Variants in PTH2R observed in about 807,000 individuals in gnomAD.
PTH2R encodes PTH2 receptor.
In PTH2R, 59 loss-of-function variants were observed where a neutral mutation model predicts 60.3. That is an observed-to-expected ratio of 0.98 (90% CI 0.79 to 1.22). PTH2R has a LOEUF of 1.22. Among genes scored for constraint, PTH2R ranks in the 50% most tolerant of loss-of-function variants. PTH2R has a pLI of 0.00. For synonymous variants in PTH2R, 256 were observed against 243.8 expected (o/e 1.05, Z -0.47); for missense variants, 749 against 682.6 (o/e 1.10, Z -1.08).
At chr2:208,482,919 G>A (rs1170824761) in intron 10 of PTH2R, among the ~76,000 whole-genome samples, 9 of 152,204 alleles carry the variant, frequency 5.9e-5, no homozygotes, top group South Asian at 2.1e-4. Flanking sequence ...CTGACTGCAC[G>A]TCCATTCATA....
intron 12 of PTH2R, among the ~76,000 whole-genome samples, chr2:208,492,588 T>G (rs1210994258): frequency 6.6e-6 from 1 of 152,062 alleles, no homozygotes; most frequent in Non-Finnish European, 1.5e-5. Flanking sequence ...GCCTTATCCC[T>G]CTTGATTTTT....
chr2:208,445,254 A>C (rs972751907), intron 7 of PTH2R, among the ~76,000 whole-genome samples: 1 of 152,218 alleles, frequency 6.6e-6, no homozygotes, highest in Non-Finnish European at 1.5e-5. Flanking sequence ...TTTCTAAGCT[A>C]TAATGATATA....
intron 1 of PTH2R, among the ~76,000 whole-genome samples, chr2:208,422,535 A>G (rs956602177): frequency 3.3e-5 from 5 of 152,224 alleles, no homozygotes; most frequent in Non-Finnish European, 7.3e-5. Context: ...TATTTTTGTA[A>G]AGCTATAAAA....
At chr2:208,432,690 T>C (rs953123628) in intron 2 of PTH2R, among the ~76,000 whole-genome samples, 1 of 152,128 alleles carries the variant, frequency 6.6e-6, no homozygotes, top group African/African-American at 2.4e-5. Flanking sequence ...AAGCCTTCAG[T>C]CCATGGCCAA....
In PTH2R at chr2:208,443,595, C is replaced by T. The variant is rs908223055; in HGVS notation, c.699+58C>T. On this transcript the variant is annotated intron_variant, in intron 6 of 12. Transcript: ENST00000272847. Reference sequence around the variant, plus strand: ...ATTTGTATAACACTACAAATAAGTACAATTTTACAGTCCACTAAACATGTT... The same window carrying T: ...ATTTGTATAACACTACAAATAAGTATAATTTTACAGTCCACTAAACATGTT... The T allele has an allele frequency of 2.0e-5, 28 of 1,392,818 alleles. No homozygotes were observed. In the Admixed American group the frequency reaches 6.4e-4, roughly 32 times the overall value. 86.3% of individuals were successfully genotyped at this position (1,392,818 alleles called of 1,614,324 possible). A position where few individuals can be genotyped will look rare whatever the true frequency, so the allele number is the denominator to read the frequency against.
intron 10 of PTH2R, among the ~76,000 whole-genome samples, chr2:208,487,802 TC>T (rs1309799248): frequency 3.3e-5 from 5 of 152,202 alleles, no homozygotes; most frequent in Non-Finnish European, 7.3e-5. Context: ...CTGGCTGTTG[TC>T]CAGATGCCAC....
In PTH2R at chr2:208,493,578, T is replaced by C. The variant is rs1178636320; in HGVS notation, c.1572T>C (p.Ile524=). The C allele has an allele frequency of 6.2e-7, 1 of 1,612,560 alleles. No homozygotes were observed. The highest frequency in any genetic ancestry group is 1.7e-5 in the Admixed American group (1 of 59,898). ...ATAGTGGGAGGCAGGGAGATGATAT[T>C]CTAATGGAGAAGCCTTCCAGGCCTA... ...KEDSGRQGDD[I]LMEKPSRPME... is the part of the protein sequence containing the mutation. Residue 524 remains isoleucine (I), a synonymous_variant, in exon 13 of 13, where the codon ATT becomes ATC. Coordinates refer to ENST00000272847, the MANE Select transcript of PTH2R (RefSeq NM_005048.4).
At chr2:208,443,657 G>C in intron 6 of PTH2R, 120 bp downstream of exon 6, 1 of 757,856 alleles carries the variant, frequency 1.3e-6, no homozygotes, top group Admixed American at 3.4e-5. Flanking sequence ...AACTAAAATG[G>C]ATTATCAATT....
At position 208,428,301 on chromosome 2, in the gene PTH2R, G is replaced by T; in HGVS notation, c.176G>T (p.Gly59Val). ...AACATCACAGCTCAACTCCAGGAGGGAGGTAAAGATGCCAAGAAAATTGGC... is the reference window on the plus strand; with the variant it reads ...AACATCACAGCTCAACTCCAGGAGGTAGGTAAAGATGCCAAGAAAATTGGC... Reference protein sequence around the residue: ...ELNITAQLQEGEGNCFPEWDG... With the variant: ...ELNITAQLQEVEGNCFPEWDG... The change falls in exon 2 of 13, where the codon GGA becomes GTA. Residue 59 changes from glycine (G) to valine (V), a missense_variant and splice_region_variant. By Grantham distance (109) the Gly-to-Val change is moderately radical. Transcript: ENST00000272847. 1 of 1,609,866 alleles carries T rather than the reference G, an allele frequency of 6.2e-7. No homozygotes were observed. Among genetic ancestry groups the T allele is most frequent in the South Asian group, 1.1e-5 (1 of 89,920 alleles).
rs150184553 is a variant in PTH2R at position 208,411,334 on chromosome 2, GA to G, written c.75+4217del. Reference sequence around the variant, plus strand: ...TGCCACAAACACTATTGTAGTTAAAGATAAGAGAGTTGGTTTGTTCTCATTC... The same window carrying G: ...TGCCACAAACACTATTGTAGTTAAAGTAAGAGAGTTGGTTTGTTCTCATTC... On this transcript the variant is annotated intron_variant, in intron 1 of 12. Coordinates refer to ENST00000272847, the MANE Select transcript of PTH2R (RefSeq NM_005048.4). Among the ~76,000 whole-genome samples the G allele has an allele frequency of 3.7e-3, 567 of 152,330 alleles. 15 individuals are homozygous for G. In the South Asian group the frequency reaches 0.059, roughly 16 times the overall value.
intron 1 of PTH2R, among the ~76,000 whole-genome samples, chr2:208,421,140 G>A (rs540616220): frequency 2.0e-5 from 3 of 152,250 alleles, no homozygotes; most frequent in Non-Finnish European, 2.9e-5. Flanking sequence ...CAATGTGATC[G>A]CATTCTTAAT....
At chr2:208,447,679 T>C (rs1044767268) in intron 7 of PTH2R, among the ~76,000 whole-genome samples, 11 of 151,124 alleles carry the variant, frequency 7.3e-5, no homozygotes, top group African/African-American at 2.7e-4. Context: ...TGAAGAAGAA[T>C]AGGTGTCATA....
rs1703457746 is a variant in PTH2R, at chr2:208,493,467, C to T, written c.1461C>T (p.Asp487=). 1 of 1,611,256 alleles carries T rather than the reference C, an allele frequency of 6.2e-7. No homozygotes were observed. The part of the protein sequence containing the change: ...KAAKIASRQP[D]SHITLPGYVW... ...CCAAGATCGCCAGCAGACAGCCTGA[C>T]AGCCACATCACTTTACCTGGCTATG... The change falls in exon 13 of 13, where the codon GAC becomes GAT. Residue 487 remains aspartate (D), a synonymous_variant. Transcript: ENST00000272847.
intron 2 of PTH2R, among the ~76,000 whole-genome samples, chr2:208,429,487 T>C (rs925028675): frequency 1.3e-5 from 2 of 152,152 alleles, no homozygotes; most frequent in Admixed American, 6.5e-5. Flanking sequence ...TCTAGGATAC[T>C]TGTCCTTCAT....
chr2:208,369,885 TGA>T (rs1271073194), intron 1 of PTH2R, among the ~76,000 whole-genome samples: 3 of 152,014 alleles, frequency 2.0e-5, no homozygotes, highest in Admixed American at 6.5e-5. Context: ...TTCTCAGTAA[TGA>T]GAATGCTTTT....
chr2:208,374,508 A>C (rs1700757999), intron 1 of PTH2R, among the ~76,000 whole-genome samples: 1 of 151,994 alleles, frequency 6.6e-6, no homozygotes, highest in Non-Finnish European at 1.5e-5. Context: ...AACGACATTT[A>C]TTTATTTACT....
At chr2:208,483,534 A>C (rs1703205090) in intron 10 of PTH2R, among the ~76,000 whole-genome samples, 1 of 152,204 alleles carries the variant, frequency 6.6e-6, no homozygotes. Context: ...CCTATCTTTA[A>C]AAATGGATAG....
intron 1 of PTH2R, among the ~76,000 whole-genome samples, chr2:208,381,041 A>C (rs1700903634): frequency 6.6e-6 from 1 of 152,150 alleles, no homozygotes; most frequent in Non-Finnish European, 1.5e-5. Flanking sequence ...TCTTTGAGAT[A>C]TATCACACAA....
intron 1 of PTH2R, among the ~76,000 whole-genome samples, chr2:208,383,779 T>C (rs962852043): frequency 7.2e-5 from 11 of 152,190 alleles, no homozygotes; most frequent in African/African-American, 2.7e-4. Flanking sequence ...CACAGTTGAA[T>C]ATCACTTCCC....
Sources: allele counts gnomAD v4.1 joint callset (sites outside exome capture counted in the v4.1 genomes callset), GRCh38; gene constraint gnomAD v4.1.1; transcripts MANE v1.5; gene names NCBI Gene and HGNC (gene_info 2026-07-23, HGNC 2026-07-21).